Variants in SLC15A5 observed in about 807,000 individuals in gnomAD.
SLC15A5 encodes the protein solute carrier family 15 member 5.
A neutral mutation model predicts 56.1 loss-of-function variants in SLC15A5; 58 were observed. The observed-to-expected ratio is 1.03, with a 90% CI of 0.84 to 1.29. The LOEUF is 1.29. Among genes scored for constraint, SLC15A5 ranks in the 50% most tolerant of loss-of-function variants. The pLI is 0.00. For missense variants in SLC15A5, 681 were observed against 672.1 expected, an observed-to-expected ratio of 1.01 and a Z score of -0.15; for synonymous variants, 264 against 250.5, an observed-to-expected ratio of 1.05 and a Z score of -0.51.
intron 3 of SLC15A5, among the ~76,000 whole-genome samples, chr12:16,246,931 C>G (rs1038360242): frequency 1.3e-5 from 2 of 152,016 alleles, no homozygotes; most frequent in African/African-American, 4.8e-5. Context: ...AAAAATATCT[C>G]AACTATCGTG....
chr12:16,218,844 T>C (rs1864157796), intron 6 of SLC15A5, among the ~76,000 whole-genome samples: 1 of 152,128 alleles, frequency 6.6e-6, no homozygotes, highest in Non-Finnish European at 1.5e-5. Flanking sequence ...TTACCCCTGG[T>C]TTTTTGTTTG....
intron 2 of SLC15A5, among the ~76,000 whole-genome samples, chr12:16,270,351 A>C (rs887188526): frequency 1.3e-5 from 2 of 152,162 alleles, no homozygotes; most frequent in African/African-American, 4.8e-5. Context: ...TTACAGATTC[A>C]AGGGGTATGT....
intron 6 of SLC15A5, among the ~76,000 whole-genome samples, chr12:16,220,490 A>G (rs1277308309): frequency 6.6e-6 from 1 of 152,236 alleles, no homozygotes; most frequent in Non-Finnish European, 1.5e-5. Context: ...ACCCAAGGTC[A>G]TGGCCTATGC....
intron 5 of SLC15A5, among the ~76,000 whole-genome samples, 191 bp from the exon 6 acceptor site, chr12:16,224,793 A>G (rs1308164468): frequency 6.6e-6 from 1 of 151,792 alleles, no homozygotes; most frequent in Admixed American, 6.6e-5. Context: ...TTTGTTACAT[A>G]TGTATACATG....
intron 2 of SLC15A5, among the ~76,000 whole-genome samples, chr12:16,262,005 A>AT (rs1162740004): frequency 2.0e-5 from 3 of 152,068 alleles, no homozygotes; most frequent in Non-Finnish European, 2.9e-5. Flanking sequence ...TCCTATTATA[A>AT]TTTTTTTTCA....
chr12:16,238,799 C>G (rs934384259), intron 5 of SLC15A5, among the ~76,000 whole-genome samples: 1 of 152,076 alleles, frequency 6.6e-6, no homozygotes, highest in Admixed American at 6.5e-5. Context: ...TCTGTTTATG[C>G]TCACCAAACA....
At chr12:16,265,426 G>A (rs967049633) in intron 2 of SLC15A5, among the ~76,000 whole-genome samples, 2 of 152,086 alleles carry the variant, frequency 1.3e-5, no homozygotes, top group East Asian at 3.9e-4. Context: ...CCTATATTCA[G>A]TCTCTTTTCC....
Position 16,271,658 on chromosome 12 carries a change from CTATT to C in SLC15A5, c.584+899_584+902del, listed in dbSNP as rs1441929824. The stretch of plus-strand genomic sequence containing the variant: ...ATGCCTATACATACACATATAGACA[CTATT>C]TACTCTAAAAATGGACAATGTAGCT... On this transcript the variant is annotated intron_variant, in intron 2 of 8. Coordinates refer to ENST00000344941, the MANE Select transcript of SLC15A5 (RefSeq NM_001170798.1). This position sits in a 1 kb window ranked among gnomAD's most constrained non-coding sequence, Gnocchi z 8.0. Among the ~76,000 whole-genome samples, 5 of 152,132 alleles carry C rather than the reference CTATT, an allele frequency of 3.3e-5. No individual in the cohort carries two copies. The highest frequency in any genetic ancestry group is 7.4e-5 in the Non-Finnish European group (5 of 68,012).
rs141824901 is a variant in SLC15A5, at chr12:16,239,798, C to T, written c.1045G>A (p.Ala349Thr). The change falls in exon 5 of 9, where the codon GCA becomes ACA. Residue 349 changes from alanine to threonine, a missense_variant. Coordinates refer to ENST00000344941, the MANE Select transcript of SLC15A5 (RefSeq NM_001170798.1). ...AGGCTGCTGATGGCATTCATTACTGCAATCGGCAGAAGAAATCCATCCAAA... is the reference window on the plus strand; with the variant it reads ...AGGCTGCTGATGGCATTCATTACTGTAATCGGCAGAAGAAATCCATCCAAA... ...LNLDGFLLPI[A>T]VMNAISSLPL... 161 of 1,537,214 alleles carry T rather than the reference C, an allele frequency of 1.0e-4. 1 individual carries two copies. The African/African-American group carries it at 1.9e-3, about 18-fold the overall frequency.
Position 16,272,000 on chromosome 12 carries a change from C to G in SLC15A5, c.584+561G>C, listed in dbSNP as rs1864764372. Among the ~76,000 whole-genome samples the G allele has an allele frequency of 6.6e-6, 1 of 152,126 alleles. No homozygotes were observed. Among genetic ancestry groups the G allele is most frequent in the South Asian group, 2.1e-4 (1 of 4,828 alleles). ...ACAAATTGCAAAATACTTCTTTCAT[C>G]TTTGCATCTTCTCTCTGCATTGGCC... On this transcript the variant is annotated intron_variant, in intron 2 of 8. Transcript: ENST00000344941. This position sits in a 1 kb window ranked among gnomAD's most constrained non-coding sequence, Gnocchi z 8.0.
chr12:16,213,306 T>C (rs1864100893), intron 7 of SLC15A5, among the ~76,000 whole-genome samples: 1 of 152,170 alleles, frequency 6.6e-6, no homozygotes, highest in African/African-American at 2.4e-5. Flanking sequence ...CAGAACAACG[T>C]AATATATTAT....
rs1565666169 is a variant in SLC15A5 at position 16,235,260 on chromosome 12, ATATATG to A, written c.1162+4415_1162+4420del. Among the ~76,000 whole-genome samples, 1 of 147,756 alleles carries A rather than the reference ATATATG, an allele frequency of 6.8e-6. No homozygotes were observed. Among genetic ancestry groups the A allele is most frequent in the Non-Finnish European group, 1.5e-5 (1 of 67,234 alleles). The stretch of plus-strand genomic sequence containing the variant: ...ACATGTTATAAGTATATATGTGTAT[ATATATG>A]TATATGTATATATATGTATATATGT... On this transcript the variant is annotated intron_variant, in intron 5 of 8. Transcript: ENST00000344941. The surrounding 1 kb of genome is among the most constrained non-coding windows in gnomAD (Gnocchi z 4.1).
intron 8 of SLC15A5, 111 bp from the exon 9 acceptor site, chr12:16,189,926 G>A: frequency 1.3e-6 from 1 of 756,802 alleles, no homozygotes; most frequent in South Asian, 3.3e-5. Context: ...CATAGATACT[G>A]GCACAACAGT....
intron 2 of SLC15A5, among the ~76,000 whole-genome samples, chr12:16,259,775 G>C (rs964122927): frequency 6.6e-6 from 1 of 152,132 alleles, no homozygotes; most frequent in Non-Finnish European, 1.5e-5. Flanking sequence ...TGGGGGGATG[G>C]GGAGGGAAAA....
At chr12:16,206,148 T>A (rs1294849641) in intron 7 of SLC15A5, among the ~76,000 whole-genome samples, 2 of 152,106 alleles carry the variant, frequency 1.3e-5, no homozygotes, top group African/African-American at 4.8e-5. Flanking sequence ...CCACAGGAAA[T>A]AAAACTAGTG....
At chr12:16,218,007 T>G (rs2136246863) in intron 6 of SLC15A5, among the ~76,000 whole-genome samples, 1 of 152,268 alleles carries the variant, frequency 6.6e-6, no homozygotes, top group East Asian at 1.9e-4. Flanking sequence ...AACATAATAT[T>G]TTAAAATGCA....
intron 2 of SLC15A5, among the ~76,000 whole-genome samples, chr12:16,264,516 G>A (rs899323213): frequency 6.6e-6 from 1 of 152,198 alleles, no homozygotes; most frequent in African/African-American, 2.4e-5. Flanking sequence ...TACTTTGGGG[G>A]ACTGTTGGGA....
chr12:16,226,619 G>C (rs1365351386), intron 5 of SLC15A5, among the ~76,000 whole-genome samples: 1 of 152,138 alleles, frequency 6.6e-6, no homozygotes, highest in African/African-American at 2.4e-5. Context: ...AGCTATTAGA[G>C]AAGGACTAAA....
Position 16,188,755 on chromosome 12 carries a change from GCAAGTTGTCCT to G in SLC15A5, c.*902_*912del, listed in dbSNP as rs1208056635. ...TAGGGGCCAGAAAGATTCACCTGTA[GCAAGTTGTCCT>G]CAACCAAATGTTGACAAATACTGCT... On this transcript the variant is annotated 3_prime_UTR_variant, in exon 9 of 9. Transcript: ENST00000344941. 6.6e-6 allele frequency: 1 copy of G among 152,178 alleles called. No individual in the cohort carries two copies. The highest frequency in any genetic ancestry group is 1.5e-5 in the Non-Finnish European group (1 of 68,016). The allele number at this position is 152,178 out of a possible 1,614,324, so 9.4% of individuals were successfully genotyped here. A position where few individuals can be genotyped will look rare whatever the true frequency, so the allele number is the denominator to read the frequency against.
Sources: allele counts gnomAD v4.1 joint callset (sites outside exome capture counted in the v4.1 genomes callset), GRCh38; gene constraint gnomAD v4.1.1; non-coding constraint Gnocchi (gnomAD v3.1); transcripts MANE v1.5; gene names NCBI Gene and HGNC (gene_info 2026-07-23, HGNC 2026-07-21).